ARFIP1: variants seen among roughly 807,000 people sequenced by gnomAD.
ARFIP1 encodes the protein arfaptin-1.
Under a neutral mutation model 42.5 loss-of-function variants are expected in ARFIP1, and 24 were observed. The observed-to-expected ratio is 0.57, with a 90% CI of 0.41 to 0.80. The LOEUF is 0.80. ARFIP1 is among the 30% of genes least tolerant of loss of function. The pLI is 0.00. For missense variants in ARFIP1, 354 were observed against 434.0 expected, an observed-to-expected ratio of 0.82 and a Z score of 1.64; for synonymous variants, 141 against 153.7, an observed-to-expected ratio of 0.92 and a Z score of 0.61.
At position 152,866,925 on chromosome 4, in the gene ARFIP1, T is replaced by A. The variant is rs561830597; in HGVS notation, c.202+3211T>A. 3.3e-5 allele frequency among the ~76,000 whole-genome samples: 5 copies of A among 150,688 alleles called. No individual in the cohort carries two copies. In the East Asian group the frequency reaches 9.9e-4, roughly 30 times the overall value. ...GCGGCCGGGCAGAGACGCTCCTCAC[T>A]TCCTAGATGGATGGCGGCCGGGAAG... On this transcript the variant is annotated intron_variant, in intron 3 of 8. Coordinates refer to ENST00000353617, the MANE Select transcript of ARFIP1 (RefSeq NM_001025595.3).
chr4:152,869,425 G>A (rs1221976750), intron 3 of ARFIP1, among the ~76,000 whole-genome samples: 1 of 151,548 alleles, frequency 6.6e-6, no homozygotes, highest in Non-Finnish European at 1.5e-5. Flanking sequence ...CAACAATGTT[G>A]GGTAGTCAGT....
intron 8 of ARFIP1, among the ~76,000 whole-genome samples, chr4:152,897,982 T>TC (rs1737486409): frequency 7.5e-6 from 1 of 133,312 alleles, no homozygotes; most frequent in Admixed American, 8.4e-5. Context: ...TTTGCAATGT[T>TC]CTTTTTTTTT....
chr4:152,856,539 TTAAAG>T (rs1298314648), intron 2 of ARFIP1, among the ~76,000 whole-genome samples: 1 of 152,210 alleles, frequency 6.6e-6, no homozygotes, highest in Non-Finnish European at 1.5e-5. Context: ...AATCTAGAGA[TTAAAG>T]TATACGGGGA....
rs1282635601 is a variant in ARFIP1 at position 152,889,528 on chromosome 4, T to TATATAC, written c.966+1226_966+1227insCATATA. ...ATATATATATATATATATATATATA[T>TATATAC]ATATATACACCTATTTTTGTGTGTG... On this transcript the variant is annotated intron_variant, in intron 8 of 8. Coordinates refer to ENST00000353617, the MANE Select transcript of ARFIP1 (RefSeq NM_001025595.3). Among the ~76,000 whole-genome samples the TATATAC allele has an allele frequency of 1.0e-3, 55 of 53,318 alleles. 4 individuals are homozygous for TATATAC. The highest frequency in any genetic ancestry group is 6.8e-3 in the Admixed American group (24 of 3,528). The allele number at this position is 53,318 out of a possible 152,430, so 35.0% of individuals were successfully genotyped here. A position where few individuals can be genotyped will look rare whatever the true frequency, so the allele number is the denominator to read the frequency against.
intron 2 of ARFIP1, among the ~76,000 whole-genome samples, chr4:152,833,788 A>G (rs991187827): frequency 1.3e-5 from 2 of 152,248 alleles, no homozygotes; most frequent in Non-Finnish European, 2.9e-5. Context: ...AGGAAGACAA[A>G]TACGGCATGA....
chr4:152,872,348 T>C, intron 4 of ARFIP1, 104 bp from the exon 5 acceptor site: 3 of 747,552 alleles, frequency 4.0e-6, no homozygotes, highest in Non-Finnish European at 2.2e-6. Context: ...TTTTTTTCTT[T>C]TTTTAGATGC....
chr4:152,844,140 C>G (rs994698491), intron 2 of ARFIP1, among the ~76,000 whole-genome samples: 1 of 152,180 alleles, frequency 6.6e-6, no homozygotes, highest in African/African-American at 2.4e-5. Flanking sequence ...CTAAACTTGA[C>G]TCAGCTTTAG....
intron 3 of ARFIP1, among the ~76,000 whole-genome samples, chr4:152,865,004 A>G (rs577127590): frequency 5.1e-4 from 77 of 151,760 alleles, no homozygotes; most frequent in African/African-American, 1.8e-3. Context: ...CAGTACTGTA[A>G]AGTAGTAGCT....
At chr4:152,883,984 A>G (rs1736066910) in intron 7 of ARFIP1, among the ~76,000 whole-genome samples, 1 of 151,992 alleles carries the variant, frequency 6.6e-6, no homozygotes, top group Middle Eastern at 3.2e-3. Context: ...AAAAAACTCC[A>G]AACTCATCTA....
At chr4:152,845,646 A>G (rs1052361372) in intron 2 of ARFIP1, among the ~76,000 whole-genome samples, 3 of 152,212 alleles carry the variant, frequency 2.0e-5, no homozygotes, top group Non-Finnish European at 4.4e-5. Flanking sequence ...AACCACAATG[A>G]GATGCCATCT....
At position 152,881,187 on chromosome 4, in the gene ARFIP1, A is replaced by G. The variant is rs1224255265; in HGVS notation, c.633+3A>G. On this transcript the variant is annotated splice_donor_region_variant and intron_variant, in intron 6 of 8. Transcript: ENST00000353617. ...GTTTGAAGTCACTAGAACTTCATGT[A>G]AGATTATTCTAAATAACTATTAGGG... 3.1e-6 allele frequency: 5 copies of G among 1,588,374 alleles called. No homozygotes were observed. Among genetic ancestry groups the G allele is most frequent in the African/African-American group, 1.4e-5 (1 of 74,000 alleles).
chr4:152,827,130 A>G (rs567188037), intron 1 of ARFIP1, among the ~76,000 whole-genome samples: 2 of 152,378 alleles, frequency 1.3e-5, no homozygotes, highest in South Asian at 2.1e-4. Context: ...GTACTGAACT[A>G]TACACATAGG....
intron 8 of ARFIP1, among the ~76,000 whole-genome samples, chr4:152,889,860 A>G (rs1469769400): frequency 1.6e-4 from 21 of 127,668 alleles, no homozygotes; most frequent in African/African-American, 5.4e-4. Context: ...TATATACTAT[A>G]TATACTATAT....
At chr4:152,847,002 A>G (rs1342641371) in intron 2 of ARFIP1, among the ~76,000 whole-genome samples, 1 of 151,710 alleles carries the variant, frequency 6.6e-6, no homozygotes, top group East Asian at 1.9e-4. Flanking sequence ...AGTCTGTCCT[A>G]AGAGAGGCCC....
Position 152,900,425 on chromosome 4 carries a change from C to T in ARFIP1, c.967-9639C>T, listed in dbSNP as rs1036616847. On this transcript the variant is annotated intron_variant, in intron 8 of 8. Coordinates refer to ENST00000353617, the MANE Select transcript of ARFIP1 (RefSeq NM_001025595.3). ...TTCCTTCTTAAGGACTTTTTTTAAC[C>T]TTCTGCTTGTCAGTGATTTGTTGAA... is the stretch of plus-strand genomic sequence containing the variant. Among the ~76,000 whole-genome samples, 9 of 152,050 alleles carry T rather than the reference C, an allele frequency of 5.9e-5. No homozygotes were observed. In the East Asian group the frequency reaches 1.7e-3, roughly 29 times the overall value.
intron 1 of ARFIP1, among the ~76,000 whole-genome samples, chr4:152,799,117 AAATT>A (rs1410069071): frequency 6.6e-6 from 1 of 152,186 alleles, no homozygotes; most frequent in East Asian, 1.9e-4. Context: ...TGATCTTATG[AAATT>A]AATTTTTACT....
intron 3 of ARFIP1, among the ~76,000 whole-genome samples, chr4:152,866,840 G>A (rs1184359637): frequency 1.3e-5 from 2 of 150,754 alleles, no homozygotes; most frequent in African/African-American, 2.4e-5. Context: ...AGGCAGAGGC[G>A]CTCTTCACAT....
intron 1 of ARFIP1, among the ~76,000 whole-genome samples, chr4:152,794,800 T>C (rs1731338015): frequency 1.3e-5 from 2 of 152,304 alleles, no homozygotes; most frequent in South Asian, 4.1e-4. Context: ...TTTATATCAA[T>C]ATGGACTCAT....
At chr4:152,818,535 GAGA>G (rs549595671) in intron 1 of ARFIP1, among the ~76,000 whole-genome samples, 336 of 152,374 alleles carry the variant, frequency 2.2e-3, no homozygotes, top group Non-Finnish European at 3.6e-3. Flanking sequence ...CACAGGTTGA[GAGA>G]AGCTCCCAAC....
Sources: allele counts gnomAD v4.1 joint callset (sites outside exome capture counted in the v4.1 genomes callset), GRCh38; gene constraint gnomAD v4.1.1; transcripts MANE v1.5; gene names NCBI Gene and HGNC (gene_info 2026-07-23, HGNC 2026-07-21).